Variants in PTPRT observed in about 807,000 individuals in gnomAD.
PTPRT encodes receptor-type tyrosine-protein phosphatase T.
A neutral mutation model predicts 176.8 loss-of-function variants in PTPRT; 56 were observed. That is an observed-to-expected ratio of 0.32 (90% confidence interval 0.26 to 0.40). The LOEUF is 0.40. PTPRT is among the 10% of genes least tolerant of loss of function. PTPRT has a pLI of 1.00. For synonymous variants in PTPRT, 783 were observed against 739.0 expected, an observed-to-expected ratio of 1.06 and a Z score of -0.96; for missense variants, 1,540 against 1,908.2, an observed-to-expected ratio of 0.81 and a Z score of 3.60.
intron 9 of PTPRT, among the ~76,000 whole-genome samples, chr20:42,390,492 C>T (rs2058790589): frequency 6.6e-6 from 1 of 152,202 alleles, no homozygotes; most frequent in Non-Finnish European, 1.5e-5. Context: ...CCAACCATCC[C>T]TACCTCCTGT....
intron 13 of PTPRT, among the ~76,000 whole-genome samples, chr20:42,262,018 C>T (rs1600743870): frequency 6.6e-6 from 1 of 152,172 alleles, no homozygotes; most frequent in Admixed American, 6.5e-5. Context: ...GACAGAGGAG[C>T]CAGTAAACAC....
At chr20:42,205,211 T>C (rs2055425597) in intron 15 of PTPRT, among the ~76,000 whole-genome samples, 1 of 152,090 alleles carries the variant, frequency 6.6e-6, no homozygotes, top group South Asian at 2.1e-4. Flanking sequence ...TGGAAGCACC[T>C]AACGCCTGAA....
chr20:42,185,567 A>C (rs1252645269), intron 16 of PTPRT, among the ~76,000 whole-genome samples: 1 of 152,222 alleles, frequency 6.6e-6, no homozygotes, highest in Non-Finnish European at 1.5e-5. Flanking sequence ...GCTAAGATCC[A>C]GATAGCATCT....
At chr20:42,409,691 T>C (rs2058995194) in intron 9 of PTPRT, among the ~76,000 whole-genome samples, 1 of 152,226 alleles carries the variant, frequency 6.6e-6, no homozygotes, top group African/African-American at 2.4e-5. Flanking sequence ...GGAACTAAGA[T>C]GATGCAAATT....
chr20:42,826,571 T>C (rs1274851982), intron 2 of PTPRT, among the ~76,000 whole-genome samples: 1 of 152,212 alleles, frequency 6.6e-6, no homozygotes, highest in African/African-American at 2.4e-5. Flanking sequence ...CTCAGCCTTT[T>C]GGCTAAGATC....
intron 1 of PTPRT, among the ~76,000 whole-genome samples, chr20:43,017,017 T>G (rs1003599692): frequency 2.6e-5 from 4 of 152,036 alleles, no homozygotes; most frequent in African/African-American, 9.7e-5. Flanking sequence ...GCCAAAACAC[T>G]CAGTAATCCA....
At chr20:43,143,951 A>G (rs2014092687) in intron 1 of PTPRT, among the ~76,000 whole-genome samples, 1 of 152,144 alleles carries the variant, frequency 6.6e-6, no homozygotes. Context: ...GAAACTCTCC[A>G]CCTTCCAAGG....
At chr20:42,885,454 G>A (rs1388279546) in intron 2 of PTPRT, among the ~76,000 whole-genome samples, 2 of 151,368 alleles carry the variant, frequency 1.3e-5, no homozygotes, top group Non-Finnish European at 2.9e-5. Context: ...TACAACCTAT[G>A]TCCATGTGGC....
At chr20:42,590,117 G>A (rs1220399167) in intron 7 of PTPRT, among the ~76,000 whole-genome samples, 1 of 152,126 alleles carries the variant, frequency 6.6e-6, no homozygotes, top group East Asian at 1.9e-4. Context: ...CCACTATGCT[G>A]GGAGGAAGCC....
intron 7 of PTPRT, among the ~76,000 whole-genome samples, chr20:42,607,162 A>G (rs2073892748): frequency 6.6e-6 from 1 of 151,228 alleles, no homozygotes; most frequent in Non-Finnish European, 1.5e-5. Flanking sequence ...GACAGGAAGT[A>G]GAATGGTGGC....
At position 42,606,200 on chromosome 20, in the gene PTPRT, A is replaced by AC. The variant is rs202076212; in HGVS notation, c.1153+71665dup. 3.6e-4 allele frequency among the ~76,000 whole-genome samples: 54 copies of AC among 151,638 alleles called. No individual in the cohort carries two copies. In the East Asian group the frequency reaches 9.9e-3, roughly 28 times the overall value. On this transcript the variant is annotated intron_variant, in intron 7 of 30. Coordinates refer to ENST00000373187, the MANE Select transcript of PTPRT (RefSeq NM_007050.6). ...TCACTCACCTCTAATTCCCTGAGGGACCCCTTCCACCCCAAGATAAATAGA... is the reference window on the plus strand; with the variant it reads ...TCACTCACCTCTAATTCCCTGAGGGACCCCCTTCCACCCCAAGATAAATAGA...
intron 2 of PTPRT, among the ~76,000 whole-genome samples, chr20:42,826,141 G>C (rs2077988747): frequency 6.6e-6 from 1 of 152,038 alleles, no homozygotes; most frequent in Admixed American, 6.6e-5. Flanking sequence ...GAGGGGGTAA[G>C]TCACCAGGCA....
intron 1 of PTPRT, among the ~76,000 whole-genome samples, chr20:43,186,312 G>A (rs2015389823): frequency 6.6e-6 from 1 of 152,218 alleles, no homozygotes; most frequent in Non-Finnish European, 1.5e-5. Context: ...CTCCAAACCA[G>A]GCTGCCTCCT....
At chr20:43,056,668 A>G (rs1276875332) in intron 1 of PTPRT, among the ~76,000 whole-genome samples, 1 of 152,220 alleles carries the variant, frequency 6.6e-6, no homozygotes, top group African/African-American at 2.4e-5. Flanking sequence ...ACAACTTTAT[A>G]GTGGAAAAGA....
At chr20:42,240,758 C>G (rs1222462447) in intron 14 of PTPRT, among the ~76,000 whole-genome samples, 1 of 152,100 alleles carries the variant, frequency 6.6e-6, no homozygotes, top group East Asian at 1.9e-4. Context: ...ATTTATCCAT[C>G]TTTCCATCAT....
chr20:43,096,646 C>T (rs1000430867), intron 1 of PTPRT, among the ~76,000 whole-genome samples: 18 of 152,344 alleles, frequency 1.2e-4, no homozygotes, highest in African/African-American at 4.3e-4. Flanking sequence ...GCCTGGAATA[C>T]TAAACAGGGC....
Position 42,781,386 on chromosome 20 carries a change from A to G in PTPRT, c.487-1087T>C, listed in dbSNP as rs186072322. On this transcript the variant is annotated intron_variant, in intron 3 of 30. Transcript: ENST00000373187. Reference sequence around the variant, plus strand: ...CACATCTTCAAGAGGCAAGAGGGAAAGAGGGGCTGACTTCTAACTTTTTAC... The same window carrying G: ...CACATCTTCAAGAGGCAAGAGGGAAGGAGGGGCTGACTTCTAACTTTTTAC... Among the ~76,000 whole-genome samples, 427 of 152,280 alleles carry G rather than the reference A, an allele frequency of 2.8e-3. 3 individuals are homozygous for G. Among genetic ancestry groups the G allele is most frequent in the African/African-American group, 1.0e-2 (414 of 41,568 alleles).
chr20:42,552,066 T>C (rs1472089220), intron 7 of PTPRT, among the ~76,000 whole-genome samples: 4 of 152,164 alleles, frequency 2.6e-5, no homozygotes, highest in Non-Finnish European at 5.9e-5. Context: ...AGGTGCTGTG[T>C]TCCTCACAGA....
chr20:42,490,802 TA>T, intron 7 of PTPRT, among the ~76,000 whole-genome samples: 1 of 152,202 alleles, frequency 6.6e-6, no homozygotes, highest in Admixed American at 6.6e-5. Flanking sequence ...ACATTAGGTA[TA>T]ATATTTGCTG....
Sources: gnomAD v4.1 joint callset for allele counts (sites outside exome capture counted in the v4.1 genomes callset) on GRCh38, gnomAD v4.1.1 for gene constraint, MANE v1.5 for transcripts, NCBI Gene and HGNC (gene_info 2026-07-23, HGNC 2026-07-21) for gene names.